Variants in KCNIP4 observed in about 807,000 individuals in gnomAD.
The protein encoded by KCNIP4 is potassium voltage-gated channel interacting protein 4.
In KCNIP4, 12 loss-of-function variants were observed where a neutral mutation model predicts 34.0. That is an observed-to-expected ratio of 0.35 (90% CI 0.23 to 0.57). The LOEUF (loss-of-function observed/expected upper bound fraction) is 0.57, where lower values mean the gene tolerates loss of function less well. KCNIP4 is among the 20% of genes least tolerant of loss of function. The pLI is 0.83. For synonymous variants in KCNIP4, 124 were observed against 102.2 expected, an observed-to-expected ratio of 1.21 and a Z score of -1.29; for missense variants, 238 against 311.7, an observed-to-expected ratio of 0.76 and a Z score of 1.78.
chr4:20,776,469 T>G (rs1011907317), intron 3 of KCNIP4, among the ~76,000 whole-genome samples: 3 of 152,154 alleles, frequency 2.0e-5, no homozygotes, highest in Non-Finnish European at 4.4e-5. Context: ...CCTCTCAAAA[T>G]TGTACTATAG....
At position 21,369,679 on chromosome 4, in the gene KCNIP4, T is replaced by C. The variant is rs910052996; in HGVS notation, c.62-486970A>G. On this transcript the variant is annotated intron_variant, in intron 1 of 8. Coordinates refer to ENST00000382152, the MANE Select transcript of KCNIP4 (RefSeq NM_025221.6). ...TGAGCTAAGTAGTTGTAGCACTTAC[T>C]TACTATCTCATTTAATTCCAATGAG... is the stretch of plus-strand genomic sequence containing the variant. Among the ~76,000 whole-genome samples the C allele has an allele frequency of 3.5e-4, 51 of 147,566 alleles. 1 individual carries two copies. The highest frequency in any genetic ancestry group is 6.8e-3 in the Middle Eastern group (2 of 292).
At chr4:21,127,484 G>C (rs1373542693) in intron 1 of KCNIP4, among the ~76,000 whole-genome samples, 6 of 151,988 alleles carry the variant, frequency 3.9e-5, no homozygotes, top group Non-Finnish European at 8.8e-5. Context: ...TTATTAACTT[G>C]TTTATCATCT....
intron 1 of KCNIP4, among the ~76,000 whole-genome samples, chr4:21,791,058 G>A (rs1235117911): frequency 6.6e-6 from 1 of 150,942 alleles, no homozygotes; most frequent in Non-Finnish European, 1.5e-5. Context: ...TTAGTTTAAG[G>A]GGCAATAACA....
chr4:21,318,358 C>T (rs1714009449), intron 1 of KCNIP4, among the ~76,000 whole-genome samples: 1 of 152,120 alleles, frequency 6.6e-6, no homozygotes, highest in South Asian at 2.1e-4. Flanking sequence ...AAGTTCACAG[C>T]ATCATTGTGA....
At chr4:20,887,403 TAATAAATA>T (rs140559983) in intron 1 of KCNIP4, among the ~76,000 whole-genome samples, 11 of 150,082 alleles carry the variant, frequency 7.3e-5, no homozygotes, top group African/African-American at 1.7e-4. Flanking sequence ...ACTTAAAGTA[TAATAAATA>T]AATAAATAAA....
intron 1 of KCNIP4, among the ~76,000 whole-genome samples, chr4:21,198,641 A>G (rs1209077750): frequency 1.3e-5 from 2 of 152,202 alleles, no homozygotes; most frequent in African/African-American, 4.8e-5. Flanking sequence ...ACCAAGAGAT[A>G]GAGTCCTCAT....
intron 1 of KCNIP4, among the ~76,000 whole-genome samples, chr4:21,342,726 C>T (rs1716882261): frequency 6.6e-6 from 1 of 151,914 alleles, no homozygotes; most frequent in South Asian, 2.1e-4. Context: ...TGTTGCTAGG[C>T]TCACAGCTTG....
intron 1 of KCNIP4, among the ~76,000 whole-genome samples, chr4:21,444,055 C>A (rs533659688): frequency 3.9e-5 from 6 of 152,222 alleles, no homozygotes; most frequent in African/African-American, 1.4e-4. Context: ...GACACATACA[C>A]CCTCCCAAGA....
At chr4:21,006,630 GA>G (rs1263033141) in intron 1 of KCNIP4, among the ~76,000 whole-genome samples, 1 of 152,230 alleles carries the variant, frequency 6.6e-6, no homozygotes, top group Non-Finnish European at 1.5e-5. Flanking sequence ...AAGCATGGAA[GA>G]ATGGAAATTT....
At chr4:21,582,297 C>T (rs1446598996) in intron 1 of KCNIP4, 1 of 151,834 alleles carries the variant, frequency 6.6e-6, no homozygotes, top group Non-Finnish European at 1.5e-5. Context: ...TAGCCACTGA[C>T]CCTGGTCACT....
At chr4:21,110,457 G>A (rs1749059377) in intron 1 of KCNIP4, among the ~76,000 whole-genome samples, 1 of 152,146 alleles carries the variant, frequency 6.6e-6, no homozygotes, top group Admixed American at 6.5e-5. Context: ...ATAATCTATG[G>A]GAGTCATCGT....
chr4:21,214,931 AT>A (rs1333159530), intron 1 of KCNIP4, among the ~76,000 whole-genome samples: 1 of 152,038 alleles, frequency 6.6e-6, no homozygotes, highest in Non-Finnish European at 1.5e-5. Context: ...TTATTTTGCA[AT>A]TTTTCATTAT....
chr4:20,755,467 C>CA (rs34868448), intron 4 of KCNIP4, among the ~76,000 whole-genome samples: 2 of 152,108 alleles, frequency 1.3e-5, no homozygotes, highest in Non-Finnish European at 2.9e-5. Flanking sequence ...TTCATTCATG[C>CA]AAAAAGCATT....
chr4:21,676,870 C>T (rs1243221315), intron 1 of KCNIP4, among the ~76,000 whole-genome samples: 4 of 151,654 alleles, frequency 2.6e-5, no homozygotes, highest in Non-Finnish European at 5.9e-5. Flanking sequence ...ATAATTAATA[C>T]TGCAATCACA....
At chr4:21,239,351 C>T (rs1037384139) in intron 1 of KCNIP4, among the ~76,000 whole-genome samples, 2 of 151,048 alleles carry the variant, frequency 1.3e-5, no homozygotes, top group Non-Finnish European at 3.0e-5. Context: ...AAAGCAATGG[C>T]AACAAAAGCC....
At chr4:21,426,586 GT>G (rs1725947682) in intron 1 of KCNIP4, among the ~76,000 whole-genome samples, 1 of 152,086 alleles carries the variant, frequency 6.6e-6, no homozygotes, top group African/African-American at 2.4e-5. Flanking sequence ...CGAGGAGTAT[GT>G]AAACATGTAA....
intron 4 of KCNIP4, among the ~76,000 whole-genome samples, chr4:20,752,050 A>G (rs1034103799): frequency 7.7e-6 from 1 of 130,598 alleles, no homozygotes; most frequent in Admixed American, 9.5e-5. Context: ...TATGTACTTC[A>G]TAGAGTTTTT....
At chr4:20,950,419 C>T (rs984825825) in intron 1 of KCNIP4, among the ~76,000 whole-genome samples, 1 of 151,980 alleles carries the variant, frequency 6.6e-6, no homozygotes, top group African/African-American at 2.4e-5. Context: ...TCATTCTGTC[C>T]ACTTTTCCTG....
At position 21,213,973 on chromosome 4, in the gene KCNIP4, A is replaced by G. The variant is rs563369731; in HGVS notation, c.62-331264T>C. Among the ~76,000 whole-genome samples the G allele has an allele frequency of 5.9e-5, 9 of 152,242 alleles. No homozygotes were observed. In the South Asian group the frequency reaches 1.9e-3, roughly 32 times the overall value. The stretch of plus-strand genomic sequence containing the variant: ...GTCGTACAGCCCAGACACTGCATTT[A>G]CAAAGACCTGGATTTGAATTCTGAC... On this transcript the variant is annotated intron_variant, in intron 1 of 8. Transcript: ENST00000382152.
Sources: gnomAD v4.1 joint callset for allele counts (sites outside exome capture counted in the v4.1 genomes callset) on GRCh38, gnomAD v4.1.1 for gene constraint, MANE v1.5 for transcripts, NCBI Gene and HGNC (gene_info 2026-07-23, HGNC 2026-07-21) for gene names.